TMEM132C: variants seen among roughly 807,000 people sequenced by gnomAD.
TMEM132C encodes transmembrane protein 132C.
In TMEM132C, 29 loss-of-function variants were observed where a neutral mutation model predicts 61.4. The ratio of observed to expected loss-of-function variants is 0.47; its 90% CI spans 0.35 to 0.64. TMEM132C has a LOEUF of 0.64. Ranked by LOEUF, TMEM132C falls within the 30% of genes least tolerant of loss-of-function variation. The pLI, the probability that TMEM132C is intolerant of heterozygous loss-of-function variation, is 0.00. For synonymous variants in TMEM132C, 656 were observed against 633.1 expected (o/e 1.04, Z -0.54); for missense variants, 1,408 against 1,476.9 (o/e 0.95, Z 0.76).
intron 2 of TMEM132C, among the ~76,000 whole-genome samples, chr12:128,431,536 G>T (rs536295516): frequency 6.8e-6 from 1 of 146,394 alleles, no homozygotes; most frequent in African/African-American, 2.6e-5. Context: ...CTTGGATGAC[G>T]ATCCCATCTA....
intron 2 of TMEM132C, among the ~76,000 whole-genome samples, chr12:128,508,031 T>C (rs1353400227): frequency 6.6e-6 from 1 of 152,070 alleles, no homozygotes; most frequent in Non-Finnish European, 1.5e-5. Context: ...TAGTCTGGAG[T>C]CACCTTGACA....
chr12:128,337,264 T>C (rs1872814841), intron 1 of TMEM132C, among the ~76,000 whole-genome samples: 1 of 152,174 alleles, frequency 6.6e-6, no homozygotes, highest in Admixed American at 6.5e-5. Flanking sequence ...TTATATTCAA[T>C]GGGGGAATGA....
At chr12:128,534,907 C>T (rs185998368) in intron 2 of TMEM132C, among the ~76,000 whole-genome samples, 16 of 152,202 alleles carry the variant, frequency 1.1e-4, no homozygotes, top group Non-Finnish European at 1.9e-4. Context: ...CACTATTAAG[C>T]GGAAAGAACA....
chr12:128,559,827 G>A (rs746597223), intron 3 of TMEM132C, among the ~76,000 whole-genome samples: 14 of 152,220 alleles, frequency 9.2e-5, no homozygotes, highest in Non-Finnish European at 2.1e-4. Flanking sequence ...TGTATGAACA[G>A]GGACCATGTG....
intron 8 of TMEM132C, among the ~76,000 whole-genome samples, chr12:128,704,279 A>G (rs1288625602): frequency 6.6e-6 from 1 of 152,174 alleles, no homozygotes; most frequent in Admixed American, 6.5e-5. Flanking sequence ...ACAATGGCAA[A>G]TAGTTTTTAC....
At chr12:128,475,673 T>C (rs1044794934) in intron 2 of TMEM132C, among the ~76,000 whole-genome samples, 3 of 152,224 alleles carry the variant, frequency 2.0e-5, no homozygotes, top group South Asian at 2.1e-4. Flanking sequence ...CCCATCTCTT[T>C]TGTCCTTGAA....
intron 2 of TMEM132C, among the ~76,000 whole-genome samples, chr12:128,456,425 T>C (rs1227387011): frequency 1.8e-5 from 2 of 109,624 alleles, no homozygotes; most frequent in Non-Finnish European, 3.5e-5. Flanking sequence ...TTTTTTTTTT[T>C]AGCAAAGGTC....
At position 128,544,001 on chromosome 12, in the gene TMEM132C, G is replaced by C. The variant is rs1164077612; in HGVS notation, c.1019G>C (p.Arg340Pro). Residue 340 changes from arginine to proline, a missense_variant, in exon 3 of 9, where the codon CGT becomes CCT. Physicochemically the swap from Arg to Pro is moderately radical, Grantham distance 103. Coordinates refer to ENST00000435159, the MANE Select transcript of TMEM132C (RefSeq NM_001136103.3). ...KGVNILSAQT[R>P]EPRQWGVKQE... The stretch of plus-strand genomic sequence containing the variant: ...GTGAACATCCTGAGTGCTCAGACCC[G>C]TGAGCCCCGGCAGTGGGGCGTCAAG... The C allele has an allele frequency of 1.3e-6, 2 of 1,549,160 alleles. No homozygotes were observed.
intron 2 of TMEM132C, among the ~76,000 whole-genome samples, chr12:128,512,961 G>T (rs749600824): frequency 3.9e-5 from 6 of 152,080 alleles, no homozygotes; most frequent in Non-Finnish European, 8.8e-5. Context: ...TCTCAGCCAG[G>T]GGGTACAGCA....
At chr12:128,615,928 T>C (rs1250325383) in intron 3 of TMEM132C, among the ~76,000 whole-genome samples, 1 of 152,220 alleles carries the variant, frequency 6.6e-6, no homozygotes. Context: ...TTACTGCTCA[T>C]TGTTGAATAT....
chr12:128,276,246 T>TCC (rs1796626957), intron 1 of TMEM132C, among the ~76,000 whole-genome samples: 1 of 152,192 alleles, frequency 6.6e-6, no homozygotes, highest in South Asian at 2.1e-4. Flanking sequence ...TTATTTGTAT[T>TCC]ATTAAAGCCA....
intron 1 of TMEM132C, among the ~76,000 whole-genome samples, chr12:128,319,518 G>A (rs1489442483): frequency 2.0e-5 from 3 of 152,024 alleles, no homozygotes; most frequent in Non-Finnish European, 2.9e-5. Flanking sequence ...TGTCACCAAA[G>A]GAAGGGATAT....
At chr12:128,305,258 G>C (rs903334173) in intron 1 of TMEM132C, among the ~76,000 whole-genome samples, 1 of 152,014 alleles carries the variant, frequency 6.6e-6, no homozygotes, top group East Asian at 1.9e-4. Flanking sequence ...TAAAAAATTA[G>C]GCATGGTGGC....
At chr12:128,362,521 C>T (rs1450287518) in intron 1 of TMEM132C, among the ~76,000 whole-genome samples, 2 of 152,164 alleles carry the variant, frequency 1.3e-5, no homozygotes, top group African/African-American at 4.8e-5. Flanking sequence ...AAGTATCTGC[C>T]ACTACAGGTT....
In TMEM132C at chr12:128,382,181, A is replaced by G. The variant is rs142484774; in HGVS notation, c.86-32551A>G. Among the ~76,000 whole-genome samples, 259 of 152,236 alleles carry G rather than the reference A, an allele frequency of 1.7e-3. 2 individuals are homozygous for G. The highest frequency in any genetic ancestry group is 6.1e-3 in the African/African-American group (252 of 41,534). On this transcript the variant is annotated intron_variant, in intron 1 of 8. Transcript: ENST00000435159. ...AAGAAGCCATTGTTCTGAGCTTGGCACGAGCTCCCGGACCCTTCACGTATT... is the reference window on the plus strand; with the variant it reads ...AAGAAGCCATTGTTCTGAGCTTGGCGCGAGCTCCCGGACCCTTCACGTATT...
At chr12:128,271,786 T>C (rs1402371606) in intron 1 of TMEM132C, among the ~76,000 whole-genome samples, 3 of 152,204 alleles carry the variant, frequency 2.0e-5, no homozygotes, top group African/African-American at 7.2e-5. Context: ...GCTACAGTCA[T>C]GCAGAGAAGA....
intron 2 of TMEM132C, among the ~76,000 whole-genome samples, chr12:128,423,757 G>A (rs1023208824): frequency 2.6e-5 from 4 of 151,998 alleles, no homozygotes; most frequent in Non-Finnish European, 5.9e-5. Flanking sequence ...TTTGGGGCCA[G>A]TGATGGTGGC....
At chr12:128,540,219 T>C (rs151296856) in intron 2 of TMEM132C, among the ~76,000 whole-genome samples, 2,267 of 152,256 alleles carry the variant, frequency 0.015, 19 homozygotes, top group Admixed American at 0.023. Flanking sequence ...CAATATCTTC[T>C]CTTATCTCTT....
intron 2 of TMEM132C, among the ~76,000 whole-genome samples, chr12:128,522,815 G>T (rs983467920): frequency 6.6e-6 from 1 of 152,086 alleles, no homozygotes; most frequent in African/African-American, 2.4e-5. Context: ...TATTAAATAG[G>T]CTACTCTTGG....
Sources: gnomAD v4.1 joint callset for allele counts (sites outside exome capture counted in the v4.1 genomes callset) on GRCh38, gnomAD v4.1.1 for gene constraint, MANE v1.5 for transcripts, NCBI Gene and HGNC (gene_info 2026-07-23, HGNC 2026-07-21) for gene names.